Variants in PARD3 observed in about 807,000 individuals in gnomAD.
PARD3 encodes the protein par-3 family cell polarity regulator, also known as partitioning defective 3 homolog.
In PARD3, 75 loss-of-function variants were observed where a neutral mutation model predicts 155.4. The ratio of observed to expected loss-of-function variants is 0.48; its 90% CI spans 0.40 to 0.58. PARD3 has a LOEUF of 0.58. Ranked by LOEUF, PARD3 falls within the 20% of genes least tolerant of loss-of-function variation. PARD3 has a pLI of 0.00. For synonymous variants in PARD3, 576 were observed against 610.5 expected (o/e 0.94, Z 0.83); for missense variants, 1,642 against 1,721.7 (o/e 0.95, Z 0.82).
At chr10:34,741,559 T>TA (rs2133885639) in intron 1 of PARD3, among the ~76,000 whole-genome samples, 1 of 152,302 alleles carries the variant, frequency 6.6e-6, no homozygotes, top group East Asian at 1.9e-4. Context: ...GTGGGGTTTT[T>TA]AGACACCAAT....
intron 22 of PARD3, among the ~76,000 whole-genome samples, chr10:34,217,594 C>T (rs1952065451): frequency 6.6e-6 from 1 of 152,090 alleles, no homozygotes; most frequent in African/African-American, 2.4e-5. Context: ...CAGGGATAGA[C>T]GGGCATGGAA....
chr10:34,490,900 T>A (rs1055672014), intron 3 of PARD3, among the ~76,000 whole-genome samples: 1 of 152,222 alleles, frequency 6.6e-6, no homozygotes, highest in Non-Finnish European at 1.5e-5. Context: ...ACTGAAAATT[T>A]GGTCTAGGAA....
At chr10:34,312,052 C>A (rs568008180) in intron 20 of PARD3, among the ~76,000 whole-genome samples, 2 of 152,032 alleles carry the variant, frequency 1.3e-5, no homozygotes, top group Admixed American at 1.3e-4. Context: ...TTTCTGAATA[C>A]GCCAGCAGTG....
chr10:34,748,212 G>A (rs191039405), intron 1 of PARD3, among the ~76,000 whole-genome samples: 11 of 152,334 alleles, frequency 7.2e-5, no homozygotes, highest in African/African-American at 2.4e-4. Flanking sequence ...GCTCACGCCT[G>A]TAATCCCAGC....
At chr10:34,494,745 A>T (rs953491122) in intron 3 of PARD3, among the ~76,000 whole-genome samples, 3 of 152,212 alleles carry the variant, frequency 2.0e-5, no homozygotes, top group African/African-American at 4.8e-5. Flanking sequence ...AGATATGTTA[A>T]GTCCTGATAT....
intron 1 of PARD3, among the ~76,000 whole-genome samples, chr10:34,726,447 G>A (rs922811849): frequency 1.3e-5 from 2 of 152,312 alleles, no homozygotes; most frequent in East Asian, 1.9e-4. Flanking sequence ...TTAGCCAGGC[G>A]TGGTGGCACA....
At chr10:34,610,953 C>T (rs190338945) in intron 2 of PARD3, among the ~76,000 whole-genome samples, 1 of 152,078 alleles carries the variant, frequency 6.6e-6, no homozygotes, top group African/African-American at 2.4e-5. Flanking sequence ...AGAAAGTAAG[C>T]AGCTCCCAGG....
intron 1 of PARD3, among the ~76,000 whole-genome samples, chr10:34,813,727 C>A (rs1844514204): frequency 6.6e-6 from 1 of 152,198 alleles, no homozygotes; most frequent in Non-Finnish European, 1.5e-5. Context: ...ACCCTGTGTA[C>A]GCTCAATAGG....
chr10:34,592,633 G>A (rs555397194), intron 2 of PARD3, among the ~76,000 whole-genome samples: 172 of 152,158 alleles, frequency 1.1e-3, no homozygotes, highest in African/African-American at 3.7e-3. Flanking sequence ...AAAATTAGCC[G>A]AGCGTGGTGG....
chr10:34,217,220 C>T (rs1952042862), intron 22 of PARD3, among the ~76,000 whole-genome samples: 1 of 151,944 alleles, frequency 6.6e-6, no homozygotes, highest in African/African-American at 2.4e-5. Context: ...GGTGCTCTCA[C>T]TTGCTTGTTC....
intron 23 of PARD3, among the ~76,000 whole-genome samples, chr10:34,128,156 C>A (rs1038115057): frequency 1.3e-5 from 2 of 152,186 alleles, no homozygotes; most frequent in Non-Finnish European, 2.9e-5. Context: ...GTTGCCCCAT[C>A]TTCCTCACCT....
chr10:34,297,175 C>CCGTAG (rs1467809170), intron 20 of PARD3, among the ~76,000 whole-genome samples: 4 of 152,014 alleles, frequency 2.6e-5, no homozygotes, highest in Non-Finnish European at 5.9e-5. Context: ...CGGTGGCGCA[C>CCGTAG]GCCTGTCGTC....
chr10:34,667,617 A>G (rs899390278), intron 2 of PARD3, among the ~76,000 whole-genome samples: 3 of 152,230 alleles, frequency 2.0e-5, no homozygotes, highest in East Asian at 1.9e-4. Flanking sequence ...GCCATATTGG[A>G]AAAGTATTTG....
At chr10:34,563,775 C>T (rs568271153) in intron 2 of PARD3, among the ~76,000 whole-genome samples, 1 of 152,194 alleles carries the variant, frequency 6.6e-6, no homozygotes, top group East Asian at 1.9e-4. Context: ...GTGATCCGCC[C>T]GCCTTGGCCT....
chr10:34,501,624 T>C (rs1425316054), intron 3 of PARD3, among the ~76,000 whole-genome samples: 1 of 152,206 alleles, frequency 6.6e-6, no homozygotes. Flanking sequence ...TCATTTCATA[T>C]TATCATGGAA....
At chr10:34,166,089 A>G (rs761741069) in intron 22 of PARD3, among the ~76,000 whole-genome samples, 26 of 152,190 alleles carry the variant, frequency 1.7e-4, no homozygotes, top group Admixed American at 6.5e-5. Context: ...TTGGACTTAC[A>G]GATATGAAGT....
At chr10:34,201,941 G>A (rs1951235903) in intron 22 of PARD3, 1 of 152,186 alleles carries the variant, frequency 6.6e-6, no homozygotes. Flanking sequence ...GGATCAGGGG[G>A]CTTGCAAAGT....
At chr10:34,403,352 C>T (rs4113504) in intron 5 of PARD3, among the ~76,000 whole-genome samples, 88,286 of 151,996 alleles carry the variant, frequency 0.58, 27,875 homozygotes, top group African/African-American at 0.85. Flanking sequence ...AAGTCCAACA[C>T]TGGAGAAAAA....
intron 2 of PARD3, among the ~76,000 whole-genome samples, chr10:34,606,638 CAAAAAAAA>C (rs398013195): frequency 6.2e-4 from 49 of 79,636 alleles, no homozygotes; most frequent in East Asian, 3.4e-3. Context: ...CCCGTGTCTT[CAAAAAAAA>C]AAAAAAAAAA....
Sources: gnomAD v4.1 joint callset for allele counts (sites outside exome capture counted in the v4.1 genomes callset) on GRCh38, gnomAD v4.1.1 for gene constraint, MANE v1.5 for transcripts, NCBI Gene and HGNC (gene_info 2026-07-23, HGNC 2026-07-21) for gene names.